The following NRCAM variants were observed in gnomAD, a reference collection of about 807,000 sequenced individuals.
NRCAM encodes the protein neuronal cell adhesion molecule.
NRCAM carries 83 observed loss-of-function variants against 156.5 expected under a neutral mutation model. The observed-to-expected ratio is 0.53, with a 90% CI of 0.44 to 0.64. NRCAM has a LOEUF of 0.64. NRCAM is among the 30% of genes least tolerant of loss of function. NRCAM has a pLI of 0.00. For missense variants in NRCAM, 1,417 were observed against 1,597.3 expected (o/e 0.89, Z 1.92); for synonymous variants, 538 against 563.9 (o/e 0.95, Z 0.65).
At chr7:108,192,794 GAAT>G (rs1325121189) in intron 17 of NRCAM, among the ~76,000 whole-genome samples, 4 of 152,090 alleles carry the variant, frequency 2.6e-5, no homozygotes, top group East Asian at 1.9e-4. Context: ...TAAATGCAAA[GAAT>G]AATAATTTGC....
At chr7:108,289,062 G>A (rs138585682) in intron 3 of NRCAM, among the ~76,000 whole-genome samples, 4 of 152,148 alleles carry the variant, frequency 2.6e-5, no homozygotes, top group Non-Finnish European at 5.9e-5. Flanking sequence ...GACTTGGAGC[G>A]ATCACAGGAT....
rs766722630 is a variant in NRCAM at position 108,150,116 on chromosome 7, C to T, written c.3709G>A (p.Gly1237Arg). The T allele has an allele frequency of 1.9e-6, 3 of 1,611,914 alleles. No individual in the cohort carries two copies. In the Admixed American group the frequency reaches 5.0e-5, roughly 27 times the overall value. The change falls in exon 33 of 33, where the codon GGA becomes AGA. Residue 1237 changes from glycine (G) to arginine (R), a missense_variant. Coordinates refer to ENST00000379028, the MANE Select transcript of NRCAM (RefSeq NM_001037132.4). Reference sequence around the variant, plus strand: ...GTCCTGTCTGAAGGAGTTCGACTTCCTTTTTTCAAAGGCTTGTGGTCTTCT... The same window carrying T: ...GTCCTGTCTGAAGGAGTTCGACTTCTTTTTTTCAAAGGCTTGTGGTCTTCT... ...DAEDHKPLKK[G>R]SRTPSDRTVK...
chr7:108,444,902 A>T (rs1842652450), intron 1 of NRCAM, among the ~76,000 whole-genome samples: 1 of 152,186 alleles, frequency 6.6e-6, no homozygotes, highest in African/African-American at 2.4e-5. Context: ...GTCAATAATG[A>T]TTACAATTTT....
chr7:108,304,537 C>T (rs1296866855), intron 3 of NRCAM, among the ~76,000 whole-genome samples: 1 of 152,052 alleles, frequency 6.6e-6, no homozygotes, highest in Non-Finnish European at 1.5e-5. Context: ...TTATAACAAG[C>T]AATAGATAAT....
Position 108,251,188 on chromosome 7 carries a change from T to C in NRCAM, c.-106-11018A>G, listed in dbSNP as rs138541725. ...AATATTTGTACCCTCCGGAAAGAAA[T>C]ATGGGGAGTAAGAAAAAAGTGAGAT... On this transcript the variant is annotated intron_variant, in intron 3 of 32. Coordinates refer to ENST00000379028, the MANE Select transcript of NRCAM (RefSeq NM_001037132.4). 8.5e-3 allele frequency among the ~76,000 whole-genome samples: 1,294 copies of C among 152,086 alleles called. 9 individuals are homozygous for C. The highest frequency in any genetic ancestry group is 0.038 in the South Asian group (183 of 4,812).
At chr7:108,218,787 C>T (rs78777681) in intron 11 of NRCAM, among the ~76,000 whole-genome samples, 1 of 152,128 alleles carries the variant, frequency 6.6e-6, no homozygotes, top group Admixed American at 6.5e-5. Flanking sequence ...ATTCTAAGGT[C>T]ACACCTCAAG....
chr7:108,294,953 C>A (rs1189097637), intron 3 of NRCAM, among the ~76,000 whole-genome samples: 1 of 152,202 alleles, frequency 6.6e-6, no homozygotes, highest in Non-Finnish European at 1.5e-5. Context: ...ACATTTGCAT[C>A]ACCACACATG....
intron 2 of NRCAM, among the ~76,000 whole-genome samples, chr7:108,384,805 G>A (rs2099734681): frequency 6.6e-6 from 1 of 152,216 alleles, no homozygotes; most frequent in South Asian, 2.1e-4. Context: ...AGAAATTTGA[G>A]TTGCAGTGCC....
intron 3 of NRCAM, among the ~76,000 whole-genome samples, chr7:108,254,720 T>A (rs2096545755): frequency 6.6e-6 from 1 of 152,086 alleles, no homozygotes; most frequent in Admixed American, 6.5e-5. Context: ...CACCTAGTTT[T>A]TTTTATTACT....
chr7:108,255,975 C>T (rs1346308494), intron 3 of NRCAM, among the ~76,000 whole-genome samples: 1 of 150,718 alleles, frequency 6.6e-6, no homozygotes, highest in African/African-American at 2.5e-5. Flanking sequence ...GCAGCCCCCG[C>T]CCGGCCAGCT....
intron 13 of NRCAM, among the ~76,000 whole-genome samples, chr7:108,206,338 G>C (rs2081143222): frequency 6.6e-6 from 1 of 152,184 alleles, no homozygotes; most frequent in Non-Finnish European, 1.5e-5. Context: ...CAGACCTTTT[G>C]GTTATGTAAA....
At chr7:108,411,384 A>G (rs949337919) in intron 1 of NRCAM, among the ~76,000 whole-genome samples, 3 of 152,080 alleles carry the variant, frequency 2.0e-5, no homozygotes, top group Non-Finnish European at 2.9e-5. Flanking sequence ...GAATGTCTCT[A>G]TCATTAGGTT....
intron 2 of NRCAM, among the ~76,000 whole-genome samples, chr7:108,337,424 C>G (rs2099209763): frequency 6.6e-6 from 1 of 152,170 alleles, no homozygotes; most frequent in Admixed American, 6.5e-5. Context: ...CTGCTGTTTG[C>G]CACCGTTGCA....
At chr7:108,403,611 G>A (rs1319005711) in intron 1 of NRCAM, among the ~76,000 whole-genome samples, 1 of 152,112 alleles carries the variant, frequency 6.6e-6, no homozygotes, top group Non-Finnish European at 1.5e-5. Context: ...CTGGATAAAG[G>A]TTTTAACATT....
intron 3 of NRCAM, among the ~76,000 whole-genome samples, chr7:108,275,840 A>G (rs1168545170): frequency 3.9e-5 from 6 of 151,982 alleles, no homozygotes; most frequent in Non-Finnish European, 8.8e-5. Context: ...TGTTGATTTT[A>G]GATCTTTCCT....
At chr7:108,410,443 T>C (rs1794021200) in intron 1 of NRCAM, among the ~76,000 whole-genome samples, 1 of 152,144 alleles carries the variant, frequency 6.6e-6, no homozygotes, top group African/African-American at 2.4e-5. Flanking sequence ...TTTGATGGGT[T>C]TCTGGGAGTA....
chr7:108,240,276 T>C (rs541892020), intron 3 of NRCAM, 106 bp from the exon 4 acceptor site: 20 of 373,222 alleles, frequency 5.4e-5, no homozygotes, highest in Admixed American at 1.8e-4. Flanking sequence ...ATACATGAAC[T>C]CTAAAAGAAA....
chr7:108,261,052 G>A (rs2153992028), intron 3 of NRCAM, among the ~76,000 whole-genome samples: 1 of 152,196 alleles, frequency 6.6e-6, no homozygotes, highest in African/African-American at 2.4e-5. Flanking sequence ...GTGAATGTGG[G>A]GACATGAGGA....
chr7:108,433,410 G>A (rs912509219), intron 1 of NRCAM, among the ~76,000 whole-genome samples: 15 of 152,288 alleles, frequency 9.8e-5, no homozygotes, highest in South Asian at 6.2e-4. Flanking sequence ...GCTCCCCAAA[G>A]TGTGGTTTGG....
Sources: allele counts gnomAD v4.1 joint callset (sites outside exome capture counted in the v4.1 genomes callset), GRCh38; gene constraint gnomAD v4.1.1; transcripts MANE v1.5; gene names NCBI Gene and HGNC (gene_info 2026-07-23, HGNC 2026-07-21).